PHKA2: variants seen among roughly 807,000 people sequenced by gnomAD.
PHKA2 encodes phosphorylase b kinase regulatory subunit alpha, liver isoform.
PHKA2 carries 31 observed loss-of-function variants against 102.0 expected under a neutral mutation model. The ratio of observed to expected loss-of-function variants is 0.30; its 90% CI spans 0.23 to 0.41. PHKA2 has a LOEUF of 0.41. Ranked by LOEUF, PHKA2 falls within the 10% of genes least tolerant of loss-of-function variation. The pLI is 1.00. For missense variants in PHKA2, 858 were observed against 1,023.1 expected, an observed-to-expected ratio of 0.84 and a Z score of 2.20; for synonymous variants, 455 against 416.2, an observed-to-expected ratio of 1.09 and a Z score of -1.13.
intron 19 of PHKA2, among the ~76,000 whole-genome samples, chrX:18,914,653 AAG>A (rs1243301729): frequency 8.9e-6 from 1 of 112,220 alleles, no homozygotes; most frequent in African/African-American, 3.2e-5. Flanking sequence ...GGTCTCTCAG[AAG>A]AGGGTAAAGG....
intron 6 of PHKA2, among the ~76,000 whole-genome samples, chrX:18,944,382 C>G (rs2048544283): frequency 9.0e-6 from 1 of 111,585 alleles, no homozygotes; most frequent in South Asian, 3.8e-4. Flanking sequence ...CACTTTCTGT[C>G]TGTTTACTTC....
intron 1 of PHKA2, among the ~76,000 whole-genome samples, chrX:18,962,960 T>C (rs563988527): frequency 8.9e-6 from 1 of 111,916 alleles, no homozygotes; most frequent in African/African-American, 3.2e-5. Flanking sequence ...AGGAAGAACA[T>C]AGGTGTTAAG....
intron 1 of PHKA2, among the ~76,000 whole-genome samples, chrX:18,961,644 C>T (rs966215188): frequency 1.1e-5 from 1 of 89,442 alleles, no homozygotes; most frequent in African/African-American, 4.5e-5. Context: ...CGGGTAACAG[C>T]GCAAGACTCC....
chrX:18,902,022 T>C (rs924582833), intron 26 of PHKA2, among the ~76,000 whole-genome samples: 1 of 110,755 alleles, frequency 9.0e-6, no homozygotes, highest in African/African-American at 3.3e-5. Context: ...TTTGTATTTT[T>C]AGTAGAGGCA....
chrX:18,973,312 G>C (rs1236339783), intron 1 of PHKA2, among the ~76,000 whole-genome samples: 2 of 111,744 alleles, frequency 1.8e-5, no homozygotes, highest in African/African-American at 6.5e-5. Flanking sequence ...GCCTTAAGAG[G>C]TGCTTTTAAA....
intron 19 of PHKA2, 89 bp from the exon 20 acceptor site, chrX:18,911,049 A>G (rs1044082849): frequency 3.6e-6 from 2 of 548,535 alleles, no homozygotes; most frequent in African/African-American, 4.7e-5. Context: ...TCTGTCACCC[A>G]GGCTGGAGTG....
Position 18,941,682 on chromosome X carries a change from GAA to G in PHKA2, c.718-9_718-8del. 1 of 1,145,183 alleles carries G rather than the reference GAA, an allele frequency of 8.7e-7. No homozygotes were observed. The highest frequency in any genetic ancestry group is 1.8e-5 in the South Asian group (1 of 55,581). The allele number at this position is 1,145,183 out of a possible 1,213,427, so 94.4% of individuals were successfully genotyped here. On this transcript the variant is annotated splice_region_variant and splice_polypyrimidine_tract_variant and intron_variant, in intron 7 of 32. Transcript: ENST00000379942. ...GCATGGAGAACAGAATAGACTGAAT[GAA>G]AAACAAAGAGGTGGTTTAACCTGGA...
intron 5 of PHKA2, among the ~76,000 whole-genome samples, 163 bp downstream of exon 5, chrX:18,948,581 G>C (rs1363931139): frequency 8.9e-6 from 1 of 112,349 alleles, no homozygotes. Flanking sequence ...TCTATTCCAG[G>C]ACAAAAATAT....
chrX:18,945,718 G>T (rs923545969), intron 5 of PHKA2, among the ~76,000 whole-genome samples: 1 of 110,867 alleles, frequency 9.0e-6, no homozygotes, highest in Non-Finnish European at 1.9e-5. Context: ...CGATTACTAG[G>T]GATTGGCTCA....
intron 1 of PHKA2, among the ~76,000 whole-genome samples, chrX:18,969,183 A>G (rs1458654693): frequency 8.9e-6 from 1 of 111,849 alleles, no homozygotes; most frequent in Non-Finnish European, 1.9e-5. Flanking sequence ...ATCACTGGCA[A>G]CAAATATTGT....
chrX:18,976,331 C>T (rs1190808891), intron 1 of PHKA2, among the ~76,000 whole-genome samples: 1 of 111,943 alleles, frequency 8.9e-6, no homozygotes, highest in African/African-American at 3.3e-5. Context: ...GTTCCTTGGT[C>T]CTTCTCTGTA....
intron 12 of PHKA2, among the ~76,000 whole-genome samples, chrX:18,931,049 C>T (rs751485903): frequency 9.8e-5 from 11 of 111,735 alleles, no homozygotes; most frequent in Non-Finnish European, 1.9e-4. Flanking sequence ...TCATTTGAGG[C>T]GGCTCCAAAG....
intron 1 of PHKA2, among the ~76,000 whole-genome samples, chrX:18,965,150 G>A (rs774325589): frequency 3.6e-5 from 4 of 111,824 alleles, no homozygotes; most frequent in Admixed American, 1.9e-4. Context: ...CACACAAACC[G>A]CTCTGGGCTC....
At chrX:18,949,640 G>A (rs2048642855) in intron 4 of PHKA2, among the ~76,000 whole-genome samples, 1 of 112,138 alleles carries the variant, frequency 8.9e-6, no homozygotes, top group Admixed American at 9.4e-5. Flanking sequence ...GTTATATCAC[G>A]GGAGAAGTGC....
chrX:18,982,748 C>T (rs1331432847), intron 1 of PHKA2, among the ~76,000 whole-genome samples: 1 of 111,753 alleles, frequency 8.9e-6, no homozygotes, highest in Non-Finnish European at 1.9e-5. Flanking sequence ...GCAGGATAAT[C>T]GCTTGAACCC....
intron 1 of PHKA2, among the ~76,000 whole-genome samples, chrX:18,958,701 C>CTT (rs1157148365): frequency 9.1e-6 from 1 of 109,992 alleles, no homozygotes; most frequent in Non-Finnish European, 1.9e-5. Flanking sequence ...GTTTCAGTTT[C>CTT]TTTTGTGTGT....
intron 26 of PHKA2, among the ~76,000 whole-genome samples, chrX:18,901,835 C>G (rs1424766211): frequency 9.1e-6 from 1 of 109,825 alleles, no homozygotes; most frequent in African/African-American, 3.3e-5. Flanking sequence ...AGCCCCGACA[C>G]AGTGAGATAT....
At chrX:18,906,459 G>A in intron 25 of PHKA2, 36 bp downstream of exon 25, 1 of 1,208,937 alleles carries the variant, frequency 8.3e-7, no homozygotes, top group Non-Finnish European at 1.1e-6. Flanking sequence ...TTGGGGTGGG[G>A]TGCGGCGGGA....
chrX:18,925,753 C>A lies in PHKA2; in HGVS notation c.1484G>T (p.Ser495Ile). Residue 495 changes from serine to isoleucine, a missense_variant, in exon 15 of 33, where the codon AGT becomes ATT. Around this residue, in one of 2 missense-constraint regions of PHKA2, gnomAD observed 671 missense variants for 745.2 expected, o/e 0.90. Transcript: ENST00000379942. Reference sequence around the variant, plus strand: ...ACCAATATGTCGATACGGTCGCCCACTCAAATTCATATTCTTATTCCGTCC... The same window carrying A: ...ACCAATATGTCGATACGGTCGCCCAATCAAATTCATATTCTTATTCCGTCC... ...KLGRNKNMNL[S>I]GRPYRHIGVL... The A allele has an allele frequency of 8.4e-7, 1 of 1,184,480 alleles. No individual in the cohort carries two copies. The highest frequency in any genetic ancestry group is 1.1e-6 in the Non-Finnish European group (1 of 870,695).
Sources: gnomAD v4.1 joint callset for allele counts (sites outside exome capture counted in the v4.1 genomes callset) on GRCh38, gnomAD v4.1.1 for gene constraint, gnomAD v4.1.1 regional missense constraint, MANE v1.5 for transcripts, NCBI Gene and HGNC (gene_info 2026-07-23, HGNC 2026-07-21) for gene names.